CPLANE1: variants seen among roughly 807,000 people sequenced by gnomAD.
CPLANE1 encodes ciliogenesis and planar polarity effector complex subunit 1.
CPLANE1 carries 263 observed loss-of-function variants against 362.5 expected under a neutral mutation model. The ratio of observed to expected loss-of-function variants is 0.73; its 90% CI spans 0.66 to 0.80. CPLANE1 has a LOEUF of 0.80. Among genes scored for constraint, CPLANE1 ranks in the 30% least tolerant of loss-of-function variants. The pLI, the probability that CPLANE1 is intolerant of heterozygous loss-of-function variation, is 0.00. For synonymous variants in CPLANE1, 1,212 were observed against 1,302.6 expected, an observed-to-expected ratio of 0.93 and a Z score of 1.50; for missense variants, 3,461 against 3,793.4, an observed-to-expected ratio of 0.91 and a Z score of 2.30.
intron 15 of CPLANE1, among the ~76,000 whole-genome samples, chr5:37,220,250 C>CAAA (rs113647197): frequency 2.5e-4 from 33 of 134,102 alleles, no homozygotes; most frequent in Middle Eastern, 3.7e-3. Flanking sequence ...GACCATATCT[C>CAAA]AAAAAAAAAA....
At chr5:37,226,156 G>A (rs900309665) in intron 12 of CPLANE1, 148 bp downstream of exon 12, 1 of 535,992 alleles carries the variant, frequency 1.9e-6, no homozygotes. Context: ...AGTGCTAATA[G>A]TTTCACAACC....
At chr5:37,093,193 C>T in the CPLANE1 span, among the ~76,000 whole-genome samples, 1 of 152,180 alleles carries the variant, frequency 6.6e-6, no homozygotes, top group Non-Finnish European at 1.5e-5. Flanking sequence ...TCAGTATAAA[C>T]AGCTGCCTTT....
intron 16 of CPLANE1, among the ~76,000 whole-genome samples, chr5:37,208,545 T>G (rs1002736552): frequency 6.6e-6 from 1 of 151,856 alleles, no homozygotes; most frequent in African/African-American, 2.4e-5. Flanking sequence ...AGCGAGGTGG[T>G]GGGCGCCTGT....
chr5:37,100,421 C>A, the CPLANE1 span, among the ~76,000 whole-genome samples: 1 of 151,870 alleles, frequency 6.6e-6, no homozygotes, highest in Admixed American at 6.6e-5. Context: ...ATGGTTATAG[C>A]TATGTGGTCT....
At position 37,169,365 on chromosome 5, in the gene CPLANE1, C is replaced by T. The variant is rs769896553; in HGVS notation, c.6659G>A (p.Ser2220Asn). 6.2e-7 allele frequency: 1 copy of T among 1,614,152 alleles called. No individual in the cohort carries two copies. The highest frequency in any genetic ancestry group is 8.5e-7 in the Non-Finnish European group (1 of 1,180,032). Residue 2220 changes from serine (S) to asparagine (N), a missense_variant, in exon 34 of 53, where the codon AGT becomes AAT. Physicochemically the swap from Ser to Asn is conservative, Grantham distance 46. Transcript: ENST00000651892. ...AAGCAAAGGAAAGCCATCACCAGGA[C>T]TAAATGTTTTTGCATGTGGGATAAG... ...PRLIPHAKTFSPGDGFPLLQF... is the reference protein window; with the variant it reads ...PRLIPHAKTFNPGDGFPLLQF...
intron 8 of CPLANE1, among the ~76,000 whole-genome samples, chr5:37,232,096 G>C (rs1561683769): frequency 1.3e-5 from 2 of 152,170 alleles, no homozygotes; most frequent in African/African-American, 4.8e-5. Flanking sequence ...GTTAGAAGCT[G>C]TAAGAGGAAA....
At chr5:37,122,623 T>C (rs1253700992) in intron 47 of CPLANE1, 135 bp from the exon 48 acceptor site, 2 of 658,310 alleles carry the variant, frequency 3.0e-6, no homozygotes, top group Non-Finnish European at 2.5e-6. Context: ...GCATAAAACA[T>C]AAAAATGTTA....
chr5:37,148,843 G>A (rs1772579589), intron 42 of CPLANE1, among the ~76,000 whole-genome samples: 1 of 152,106 alleles, frequency 6.6e-6, no homozygotes, highest in Non-Finnish European at 1.5e-5. Context: ...TTGAGGTCAG[G>A]AGTTCGAGAC....
chr5:37,212,101 T>C, intron 16 of CPLANE1: 1 of 916,970 alleles, frequency 1.1e-6, no homozygotes, highest in South Asian at 1.3e-5. Context: ...AGAAGAGAAC[T>C]AGAAAAACTG....
chr5:37,154,495 C>CCTTG (rs1246214785), intron 41 of CPLANE1, among the ~76,000 whole-genome samples: 5 of 99,320 alleles, frequency 5.0e-5, no homozygotes, highest in Non-Finnish European at 5.4e-5. Context: ...AGAGATAGAG[C>CCTTG]CTTGCTTTGT....
Position 37,239,756 on chromosome 5 carries a change from T to A in CPLANE1, c.791A>T (p.Asp264Val). 1.9e-6 allele frequency: 3 copies of A among 1,545,386 alleles called. No individual in the cohort carries two copies. In the South Asian group the frequency reaches 3.6e-5, roughly 19 times the overall value. The change falls in exon 7 of 53, where the codon GAT becomes GTT. Residue 264 changes from aspartate to valine, a missense_variant. Transcript: ENST00000651892. ...AAGAGTTACTGCCAGGGTAAGGCCA[T>A]CTCTTGAAAAGGCAGAAATTAGAGC... ...RGALISAFSR[D>V]GLTLAVTLNQ...
intron 41 of CPLANE1, among the ~76,000 whole-genome samples, chr5:37,155,799 GGGTCACAGA>G (rs1161331971): frequency 3.9e-5 from 6 of 152,104 alleles, no homozygotes; most frequent in Non-Finnish European, 7.4e-5. Flanking sequence ...ACATACTCAG[GGGTCACAGA>G]GAGAAAAGTA....
rs535749336 is a variant in CPLANE1 at position 37,241,530 on chromosome 5, A to G, written c.677+1483T>C. 2.0e-5 allele frequency among the ~76,000 whole-genome samples: 3 copies of G among 152,322 alleles called. No individual in the cohort carries two copies. The South Asian group carries it at 6.2e-4, about 32-fold the overall frequency. The stretch of plus-strand genomic sequence containing the variant: ...GAGGGAAACTTTGGGGATAGTATCA[A>G]TGTTCTATAATTGATCCAAGTGATA... On this transcript the variant is annotated intron_variant, in intron 6 of 52. Transcript: ENST00000651892.
intron 32 of CPLANE1, among the ~76,000 whole-genome samples, chr5:37,172,802 A>G (rs578085488): frequency 5.6e-4 from 85 of 152,304 alleles, no homozygotes; most frequent in Non-Finnish European, 1.1e-3. Context: ...CCTGGCCAAC[A>G]TGGCGAAACT....
At chr5:37,186,799 C>T (rs911021889) in intron 23 of CPLANE1, among the ~76,000 whole-genome samples, 3 of 152,130 alleles carry the variant, frequency 2.0e-5, no homozygotes, top group South Asian at 2.1e-4. Context: ...GTGGCTCACG[C>T]CTGTAATCCC....
Position 37,165,677 on chromosome 5 carries a change from A to G in CPLANE1, c.7401-6T>C. 6.2e-7 allele frequency: 1 copy of G among 1,600,636 alleles called. No individual in the cohort carries two copies. Among genetic ancestry groups the G allele is most frequent in the Non-Finnish European group, 8.5e-7 (1 of 1,177,030 alleles). ...TCTCAGCTCTTCTTCTTTGCCTGTT[A>G]AACATAATAGCATAAAACATACTTT... On this transcript the variant is annotated splice_polypyrimidine_tract_variant and splice_region_variant and intron_variant, in intron 35 of 52. Coordinates refer to ENST00000651892, the MANE Select transcript of CPLANE1 (RefSeq NM_001384732.1).
chr5:37,111,155 C>T (rs553917739), intron 51 of CPLANE1, among the ~76,000 whole-genome samples: 2 of 150,154 alleles, frequency 1.3e-5, no homozygotes, highest in East Asian at 4.0e-4. Flanking sequence ...GAGTCTCGCT[C>T]TGTCACTCAG....
At chr5:37,144,559 T>C (rs550579064) in intron 43 of CPLANE1, among the ~76,000 whole-genome samples, 19 of 150,068 alleles carry the variant, frequency 1.3e-4, no homozygotes, top group African/African-American at 4.7e-4. Flanking sequence ...TTATTTAAAT[T>C]AGAAATTTTA....
At chr5:37,185,160 C>A (rs1783652536) in intron 24 of CPLANE1, 81 bp from the exon 25 acceptor site, 1 of 1,304,716 alleles carries the variant, frequency 7.7e-7, no homozygotes, top group African/African-American at 1.5e-5. Context: ...TCTGGTCCCT[C>A]CTGGGGACAA....
Sources: gnomAD v4.1 joint callset for allele counts (sites outside exome capture counted in the v4.1 genomes callset) on GRCh38, gnomAD v4.1.1 for gene constraint, MANE v1.5 for transcripts, NCBI Gene and HGNC (gene_info 2026-07-23, HGNC 2026-07-21) for gene names.